The following DOCK2 variants were observed in gnomAD, a reference collection of about 807,000 sequenced individuals.
DOCK2 encodes the protein dedicator of cytokinesis protein 2.
DOCK2 carries 87 observed loss-of-function variants against 248.9 expected under a neutral mutation model. The ratio of observed to expected loss-of-function variants is 0.35; its 90% CI spans 0.29 to 0.42. The LOEUF (loss-of-function observed/expected upper bound fraction) is 0.42, where lower values mean the gene tolerates loss of function less well. Among genes scored for constraint, DOCK2 ranks in the 10% least tolerant of loss-of-function variants. DOCK2 has a pLI of 1.00. For synonymous variants in DOCK2, 805 were observed against 821.6 expected (o/e 0.98, Z 0.35); for missense variants, 1,747 against 2,300.2 (o/e 0.76, Z 4.92).
intron 1 of DOCK2, among the ~76,000 whole-genome samples, chr5:169,639,538 G>A (rs764097922): frequency 8.5e-5 from 13 of 152,168 alleles, no homozygotes; most frequent in Admixed American, 3.3e-4. Flanking sequence ...TGTATCCTTG[G>A]CATGTGACTT....
At chr5:169,734,215 C>A (rs1247543857) in intron 22 of DOCK2, among the ~76,000 whole-genome samples, 3 of 151,962 alleles carry the variant, frequency 2.0e-5, no homozygotes, top group Admixed American at 6.6e-5. Flanking sequence ...TTTTCAAAAA[C>A]TCCATTTTGT....
At chr5:169,649,359 T>A (rs1350441431) in intron 1 of DOCK2, among the ~76,000 whole-genome samples, 2 of 152,218 alleles carry the variant, frequency 1.3e-5, no homozygotes, top group East Asian at 3.9e-4. Flanking sequence ...AGCCAAGACG[T>A]GTCTTTTGAA....
chr5:170,060,142 A>G (rs969773155), intron 44 of DOCK2, among the ~76,000 whole-genome samples: 3 of 152,198 alleles, frequency 2.0e-5, no homozygotes, highest in Admixed American at 2.0e-4. Context: ...AGTTCTGCCT[A>G]TTGGGGTTTT....
intron 25 of DOCK2, among the ~76,000 whole-genome samples, chr5:169,776,504 T>A (rs1186067293): frequency 6.6e-6 from 1 of 152,148 alleles, no homozygotes; most frequent in African/African-American, 2.4e-5. Context: ...TTGTTTTGCA[T>A]GCTGTGTAAT....
At chr5:169,866,591 G>T (rs1277621404) in intron 27 of DOCK2, among the ~76,000 whole-genome samples, 1 of 152,216 alleles carries the variant, frequency 6.6e-6, no homozygotes, top group Admixed American at 6.5e-5. Context: ...ATGGTAGGCA[G>T]ACAATCTCCC....
chr5:169,918,596 T>C (rs1423591677), intron 27 of DOCK2, among the ~76,000 whole-genome samples: 1 of 152,216 alleles, frequency 6.6e-6, no homozygotes, highest in African/African-American at 2.4e-5. Context: ...TTGTCCAATA[T>C]GATACTGTTT....
intron 6 of DOCK2, among the ~76,000 whole-genome samples, chr5:169,681,251 G>A (rs983709931): frequency 6.6e-6 from 1 of 150,694 alleles, no homozygotes; most frequent in Non-Finnish European, 1.5e-5. Context: ...AGCCTCCCGA[G>A]TAGCTGGGAT....
chr5:169,970,886 G>T (rs1170891592), intron 27 of DOCK2, among the ~76,000 whole-genome samples: 1 of 152,110 alleles, frequency 6.6e-6, no homozygotes, highest in Non-Finnish European at 1.5e-5. Context: ...CTTTAATTGA[G>T]TGTGGATCCG....
intron 26 of DOCK2, among the ~76,000 whole-genome samples, chr5:169,808,985 G>T (rs35867538): frequency 2.0e-5 from 3 of 148,292 alleles, no homozygotes; most frequent in Non-Finnish European, 4.4e-5. Context: ...AATGGTTTAA[G>T]GGTTCTGATT....
rs573550877 is a variant in DOCK2, at chr5:169,839,506, CGCGTAT to C, written c.2704-1248_2704-1243del. Among the ~76,000 whole-genome samples, 794 of 152,258 alleles carry C rather than the reference CGCGTAT, an allele frequency of 5.2e-3. 8 individuals carry two copies. Among genetic ancestry groups the C allele is most frequent in the African/African-American group, 0.018 (767 of 41,538 alleles). On this transcript the variant is annotated intron_variant, in intron 26 of 51. Transcript: ENST00000520908. ...CTTTCCACTTGGCCATGGCCACCCT[CGCGTAT>C]GCATGGTGTGCAACTCTGTGCCTAA...
intron 25 of DOCK2, among the ~76,000 whole-genome samples, chr5:169,778,769 G>C (rs977906396): frequency 6.6e-6 from 1 of 152,206 alleles, no homozygotes; most frequent in Non-Finnish European, 1.5e-5. Context: ...GAGAAACCCT[G>C]AAGGGGCTTC....
chr5:169,696,039 C>T, intron 10 of DOCK2, 101 bp downstream of exon 10: 1 of 1,425,386 alleles, frequency 7.0e-7, no homozygotes, highest in South Asian at 1.6e-5. Context: ...CTGCTGCCCC[C>T]ACCCCTGCAA....
intron 15 of DOCK2, among the ~76,000 whole-genome samples, chr5:169,709,528 C>G (rs1271726355): frequency 6.6e-6 from 1 of 152,150 alleles, no homozygotes; most frequent in South Asian, 2.1e-4. Flanking sequence ...TGGTGAAACT[C>G]TGTCTCTACT....
At chr5:170,034,244 A>G (rs531503856) in intron 34 of DOCK2, among the ~76,000 whole-genome samples, 155 bp from the exon 35 acceptor site, 3 of 152,222 alleles carry the variant, frequency 2.0e-5, no homozygotes, top group Non-Finnish European at 4.4e-5. Flanking sequence ...TTGCTGCACT[A>G]TATGGATAAA....
intron 30 of DOCK2, among the ~76,000 whole-genome samples, chr5:169,998,446 T>C (rs1754722463): frequency 6.6e-6 from 1 of 152,210 alleles, no homozygotes; most frequent in Non-Finnish European, 1.5e-5. Context: ...ATCAGGCAAC[T>C]GAGTGACAAT....
At chr5:169,888,831 T>A (rs57785240) in intron 27 of DOCK2, among the ~76,000 whole-genome samples, 5,312 of 152,306 alleles carry the variant, frequency 0.035, 184 homozygotes, top group African/African-American at 0.089. Flanking sequence ...ATGAGACACT[T>A]GTGAATTTGT....
At position 169,736,256 on chromosome 5, in the gene DOCK2, G is replaced by C. The variant is rs1763035091; in HGVS notation, c.2268-11140G>C. 2.0e-5 allele frequency among the ~76,000 whole-genome samples: 3 copies of C among 152,234 alleles called. No individual in the cohort carries two copies. The East Asian group carries it at 5.8e-4, about 29-fold the overall frequency. On this transcript the variant is annotated intron_variant, in intron 22 of 51. Coordinates refer to ENST00000520908, the MANE Select transcript of DOCK2 (RefSeq NM_004946.3). Reference sequence around the variant, plus strand: ...TTCACCCCTCGTGGCTTGCTTCCTGGGGTAAAGTGATGGGTCTTTTCACTG... The same window carrying C: ...TTCACCCCTCGTGGCTTGCTTCCTGCGGTAAAGTGATGGGTCTTTTCACTG...
At position 169,696,023 on chromosome 5, in the gene DOCK2, C is replaced by T. The variant is rs114859669; in HGVS notation, c.979+85C>T. ...TTGTAATGATGATTTGTTTCCCAAC[C>T]GCCTCCTGCTGCCCCCACCCCTGCA... is the stretch of plus-strand genomic sequence containing the variant. On this transcript the variant is annotated intron_variant, in intron 10 of 51. Transcript: ENST00000520908. 1.8e-3 allele frequency: 2,578 copies of T among 1,468,560 alleles called. 38 individuals carry two copies. In the African/African-American group the frequency reaches 0.032, roughly 18 times the overall value. 91.0% of individuals were successfully genotyped at this position (1,468,560 alleles called of 1,614,324 possible). A position where few individuals can be genotyped will look rare whatever the true frequency, so the allele number is the denominator to read the frequency against.
chr5:169,747,559 A>T, intron 23 of DOCK2, 55 bp downstream of exon 23: 1 of 1,446,798 alleles, frequency 6.9e-7, no homozygotes, highest in South Asian at 1.2e-5. Flanking sequence ...AGTAAATAAC[A>T]GCATGCTAAG....
Sources: gnomAD v4.1 joint callset for allele counts (sites outside exome capture counted in the v4.1 genomes callset) on GRCh38, gnomAD v4.1.1 for gene constraint, MANE v1.5 for transcripts, NCBI Gene and HGNC (gene_info 2026-07-23, HGNC 2026-07-21) for gene names.